The following GRID2 variants were observed in gnomAD, a reference collection of about 807,000 sequenced individuals.
The protein encoded by GRID2 is glutamate receptor ionotropic, delta-2.
Under a neutral mutation model 114.8 loss-of-function variants are expected in GRID2, and 33 were observed. The observed-to-expected ratio is 0.29, with a 90% CI of 0.22 to 0.38. The LOEUF (loss-of-function observed/expected upper bound fraction) is 0.38. Among genes scored for constraint, GRID2 ranks in the 10% least tolerant of loss-of-function variants. The pLI is 1.00. For missense variants in GRID2, 1,184 were observed against 1,257.7 expected, an observed-to-expected ratio of 0.94 and a Z score of 0.89; for synonymous variants, 505 against 449.9, an observed-to-expected ratio of 1.12 and a Z score of -1.55.
chr4:93,013,500 A>G (rs1722387072), intron 2 of GRID2, among the ~76,000 whole-genome samples: 1 of 151,922 alleles, frequency 6.6e-6, no homozygotes, highest in East Asian at 1.9e-4. Context: ...TTAACTTAGC[A>G]TGGGGATTTA....
At chr4:92,562,622 C>T (rs1000347619) in intron 1 of GRID2, among the ~76,000 whole-genome samples, 3 of 152,138 alleles carry the variant, frequency 2.0e-5, no homozygotes, top group Non-Finnish European at 4.4e-5. Flanking sequence ...GCTATGTCTC[C>T]TGTGCCCGGT....
intron 2 of GRID2, among the ~76,000 whole-genome samples, chr4:92,742,120 A>T (rs1736920522): frequency 6.6e-6 from 1 of 152,214 alleles, no homozygotes; most frequent in African/African-American, 2.4e-5. Context: ...GTTTAAAAAT[A>T]TCTTTTCAAA....
intron 1 of GRID2, among the ~76,000 whole-genome samples, chr4:92,372,134 G>A (rs62311006): frequency 0.3 from 45,180 of 151,684 alleles, 6,717 homozygotes; most frequent in South Asian, 0.32. Context: ...AAAAAATGTC[G>A]TTTCTTTGGA....
intron 1 of GRID2, among the ~76,000 whole-genome samples, chr4:92,515,929 A>C (rs535426046): frequency 2.2e-4 from 34 of 152,056 alleles, no homozygotes; most frequent in Middle Eastern, 3.4e-3. Flanking sequence ...GATTTTTTTA[A>C]AAAATTGATA....
intron 8 of GRID2, among the ~76,000 whole-genome samples, chr4:93,246,640 G>A (rs903664566): frequency 6.6e-6 from 1 of 150,880 alleles, no homozygotes. Flanking sequence ...ATAGTATGTT[G>A]TGAACACAAT....
At chr4:92,685,826 C>G (rs1206326483) in intron 2 of GRID2, among the ~76,000 whole-genome samples, 1 of 151,948 alleles carries the variant, frequency 6.6e-6, no homozygotes, top group African/African-American at 2.4e-5. Flanking sequence ...ACTATAGTCT[C>G]TATTCAACAC....
intron 1 of GRID2, among the ~76,000 whole-genome samples, chr4:92,357,750 T>TC: frequency 6.6e-6 from 1 of 151,942 alleles, no homozygotes; most frequent in Non-Finnish European, 1.5e-5. Context: ...TTGTTAGTTC[T>TC]TTGAGTCACA....
In GRID2 at chr4:92,509,071, A is replaced by AAAACAAAC. The variant is rs534348349; in HGVS notation, c.89-81047_89-81040dup. Among the ~76,000 whole-genome samples, 267 of 152,082 alleles carry AAAACAAAC rather than the reference A, an allele frequency of 1.8e-3. 2 individuals carry two copies. Among genetic ancestry groups the AAAACAAAC allele is most frequent in the Middle Eastern group, 6.8e-3 (2 of 294 alleles). On this transcript the variant is annotated intron_variant, in intron 1 of 15. Transcript: ENST00000282020. ...GACAGAGTGAGACCCTGTCTGTTAA[A>AAAACAAAC]AAACAAACAAACAAACAAACCAAAA...
intron 14 of GRID2, among the ~76,000 whole-genome samples, chr4:93,679,977 A>T (rs1725343333): frequency 6.6e-6 from 1 of 151,276 alleles, no homozygotes; most frequent in African/African-American, 2.5e-5. Context: ...CAAAAAATTA[A>T]TGAATCCAGG....
chr4:92,737,261 G>A (rs950631597), intron 2 of GRID2, among the ~76,000 whole-genome samples: 1 of 152,026 alleles, frequency 6.6e-6, no homozygotes, highest in Non-Finnish European at 1.5e-5. Flanking sequence ...TACTTTTTAA[G>A]TATGATCAGG....
chr4:92,446,864 A>G (rs1733499361), intron 1 of GRID2, among the ~76,000 whole-genome samples: 1 of 152,166 alleles, frequency 6.6e-6, no homozygotes, highest in Non-Finnish European at 1.5e-5. Flanking sequence ...CTCAAGTTTT[A>G]CCTGATAACC....
intron 13 of GRID2, among the ~76,000 whole-genome samples, chr4:93,611,282 T>C (rs1276989483): frequency 3.6e-5 from 4 of 111,732 alleles, no homozygotes; most frequent in Non-Finnish European, 7.5e-5. Flanking sequence ...GATTCATTGA[T>C]TTTTTGAAGG....
rs1410383950 is a variant in GRID2, at chr4:92,799,369, G to C, written c.244+209083G>C. Among the ~76,000 whole-genome samples the C allele has an allele frequency of 2.6e-5, 4 of 151,988 alleles. No individual in the cohort carries two copies. In the South Asian group the frequency reaches 8.3e-4, roughly 31 times the overall value. ...CACTCACCTCCTGCTGTGGGGCCCT[G>C]TTCCTAACAGGCCACAGACTAATAC... On this transcript the variant is annotated intron_variant, in intron 2 of 15. Transcript: ENST00000282020.
At chr4:93,358,965 A>G (rs566355455) in intron 8 of GRID2, among the ~76,000 whole-genome samples, 51 of 152,184 alleles carry the variant, frequency 3.4e-4, no homozygotes, top group South Asian at 2.7e-3. Context: ...TCACTCAATT[A>G]GCAGTTTAAG....
chr4:92,794,855 C>A (rs999606882), intron 2 of GRID2, among the ~76,000 whole-genome samples: 6 of 128,992 alleles, frequency 4.7e-5, no homozygotes, highest in Admixed American at 4.2e-4. Flanking sequence ...AACACAGAGT[C>A]ATTTAATAAA....
intron 14 of GRID2, among the ~76,000 whole-genome samples, chr4:93,653,719 T>C (rs572886034): frequency 9.2e-5 from 14 of 152,248 alleles, no homozygotes; most frequent in African/African-American, 3.4e-4. Flanking sequence ...TTAGTCAATC[T>C]CTTTGTCTCA....
Position 93,067,598 on chromosome 4 carries a change from G to T in GRID2, c.245-17397G>T, listed in dbSNP as rs182881283. On this transcript the variant is annotated intron_variant, in intron 2 of 15. Coordinates refer to ENST00000282020, the MANE Select transcript of GRID2 (RefSeq NM_001510.4). ...GAGAGAGATTTTATTATACGAATTT[G>T]GGGGGAACACATACATTCAGACCAT... 4.9e-4 allele frequency among the ~76,000 whole-genome samples: 75 copies of T among 152,028 alleles called. No individual in the cohort carries two copies. The East Asian group carries it at 0.013, about 26-fold the overall frequency.
intron 2 of GRID2, among the ~76,000 whole-genome samples, chr4:92,730,997 A>C (rs1315063467): frequency 6.6e-6 from 1 of 151,950 alleles, no homozygotes; most frequent in East Asian, 1.9e-4. Flanking sequence ...GCATGCAAGT[A>C]AATAAAATAC....
intron 2 of GRID2, among the ~76,000 whole-genome samples, chr4:92,713,967 C>T (rs572050183): frequency 6.6e-6 from 1 of 152,208 alleles, no homozygotes; most frequent in Admixed American, 6.5e-5. Flanking sequence ...ACCAATCATG[C>T]CTTCCCAACA....
Sources: gnomAD v4.1 joint callset for allele counts (sites outside exome capture counted in the v4.1 genomes callset) on GRCh38, gnomAD v4.1.1 for gene constraint, MANE v1.5 for transcripts, NCBI Gene and HGNC (gene_info 2026-07-23, HGNC 2026-07-21) for gene names.